LENG8: variants seen among roughly 807,000 people sequenced by gnomAD.
LENG8 encodes the protein leukocyte receptor cluster member 8, also known as leukocyte receptor cluster (LRC) member 8.
A neutral mutation model predicts 102.1 loss-of-function variants in LENG8; 28 were observed. The observed-to-expected ratio is 0.27, with a 90% CI of 0.20 to 0.38. The LOEUF (loss-of-function observed/expected upper bound fraction) is 0.38. Among genes scored for constraint, LENG8 ranks in the 10% least tolerant of loss-of-function variants. The pLI, the probability that LENG8 is intolerant of heterozygous loss-of-function variation, is 1.00. For missense variants in LENG8, 1,022 were observed against 1,113.9 expected, an observed-to-expected ratio of 0.92 and a Z score of 1.17; for synonymous variants, 531 against 456.7, an observed-to-expected ratio of 1.16 and a Z score of -2.07.
chr19:54,456,054 G>C lies in LENG8; in HGVS notation c.1113G>C (p.Ser371=), dbSNP rs748998773. Residue 371 remains serine, a synonymous_variant, in exon 9 of 16, where the codon TCG becomes TCC. Coordinates refer to ENST00000326764, the MANE Select transcript of LENG8 (RefSeq NM_052925.4). ...SSLHPPRGAG[S]ATRGGGAPSQ... The stretch of plus-strand genomic sequence containing the variant: ...TTCACCCTCCTAGAGGGGCAGGCTC[G>C]GCGACAAGGGGCGGGGGTGCCCCGT... The C allele has an allele frequency of 5.6e-6, 9 of 1,611,144 alleles. No individual in the cohort carries two copies. Among genetic ancestry groups the C allele is most frequent in the Non-Finnish European group, 5.9e-6 (7 of 1,178,422 alleles).
rs1322945634 is a variant in LENG8, at chr19:54,461,171, G to A, written c.*243G>A. 4 of 692,584 alleles carry A rather than the reference G, an allele frequency of 5.8e-6. No homozygotes were observed. The highest frequency in any genetic ancestry group is 4.5e-5 in the South Asian group (3 of 66,576). 42.9% of individuals were successfully genotyped at this position (692,584 alleles called of 1,614,324 possible). A position where few individuals can be genotyped will look rare whatever the true frequency, so the allele number is the denominator to read the frequency against. ...GGGGATGGGCAGCGGAGGGTTGGGGGCATGGTCTGCAGGCTCATCTGTGTC... is the reference window on the plus strand; with the variant it reads ...GGGGATGGGCAGCGGAGGGTTGGGGACATGGTCTGCAGGCTCATCTGTGTC... On this transcript the variant is annotated 3_prime_UTR_variant, in exon 16 of 16. Transcript: ENST00000326764.
intron 15 of LENG8, chr19:54,460,348 G>GC (rs1022670917): frequency 1.3e-5 from 16 of 1,206,458 alleles, no homozygotes; most frequent in Non-Finnish European, 1.7e-5. Context: ...GCACCCCTGC[G>GC]CCTGGCTTCC....
chr19:54,452,538 T>C (rs2084010698), intron 3 of LENG8, 113 bp from the exon 4 acceptor site: 5 of 879,434 alleles, frequency 5.7e-6, no homozygotes, highest in South Asian at 4.1e-5. Context: ...TGCAGATACA[T>C]GGACCCAGTT....
Position 54,456,352 on chromosome 19 carries a change from C to T in LENG8, c.1332C>T (p.Ser444=), listed in dbSNP as rs756122921. 4 of 1,613,758 alleles carry T rather than the reference C, an allele frequency of 2.5e-6. No homozygotes were observed. The highest frequency in any genetic ancestry group is 2.5e-6 in the Non-Finnish European group (3 of 1,180,006). ...RSDSHSDSDS[S]YSGNECHPVG... The stretch of plus-strand genomic sequence containing the variant: ...ACTCCCACTCAGACTCCGACAGCTC[C>T]TACTCAGGGAATGAGTGTCACCCTG... Residue 444 remains serine, a synonymous_variant, in exon 10 of 16, where the codon TCC becomes TCT. Transcript: ENST00000326764.
At chr19:54,451,952 A>G in intron 2 of LENG8, 141 bp from the exon 3 acceptor site, 2 of 706,392 alleles carry the variant, frequency 2.8e-6, no homozygotes, top group Non-Finnish European at 4.7e-6. Flanking sequence ...CTTTATCAGC[A>G]TAGTACAGAT....
At chr19:54,449,693 C>G (rs1232122320) in intron 1 of LENG8, 1 of 152,334 alleles carries the variant, frequency 6.6e-6, no homozygotes, top group Non-Finnish European at 1.5e-5. Context: ...TCCGAGCGGC[C>G]TCCTCCACCC....
At chr19:54,457,640 C>CT (rs915800678) in intron 11 of LENG8, 107 bp from the exon 12 acceptor site, 46 of 833,628 alleles carry the variant, frequency 5.5e-5, no homozygotes, top group Non-Finnish European at 7.0e-5. Flanking sequence ...TGCGCCTGGC[C>CT]TTTTTTTTCT....
At chr19:54,450,466 C>T (rs551110692) in intron 1 of LENG8, among the ~76,000 whole-genome samples, 40 of 152,268 alleles carry the variant, frequency 2.6e-4, no homozygotes, top group Admixed American at 4.6e-4. Flanking sequence ...CAATATTCTT[C>T]CAGCCCCCTC....
Position 54,454,582 on chromosome 19 carries a change from C to G in LENG8, c.579C>G (p.His193Gln), listed in dbSNP as rs1446116880. ...CTGGGACAGCTCCAGCCACACAGCACAGCCAGGCGGGGCCCGCCACGGGCC... is the reference window on the plus strand; with the variant it reads ...CTGGGACAGCTCCAGCCACACAGCAGAGCCAGGCGGGGCCCGCCACGGGCC... Reference protein sequence around the residue: ...PQPGTAPATQHSQAGPATGQA... With the variant: ...PQPGTAPATQQSQAGPATGQA... Residue 193 changes from histidine to glutamine, a missense_variant, in exon 6 of 16, where the codon CAC becomes CAG. This residue lies in a region of LENG8 where 343 missense variants were observed against 320.2 expected (regional missense o/e 1.07). Coordinates refer to ENST00000326764, the MANE Select transcript of LENG8 (RefSeq NM_052925.4). 1 of 1,606,564 alleles carries G rather than the reference C, an allele frequency of 6.2e-7. No individual in the cohort carries two copies. The highest frequency in any genetic ancestry group is 2.3e-5 in the East Asian group (1 of 44,256).
At chr19:54,454,301 C>T in intron 5 of LENG8, 129 bp from the exon 6 acceptor site, 2 of 877,852 alleles carry the variant, frequency 2.3e-6, no homozygotes, top group Non-Finnish European at 3.5e-6. Flanking sequence ...AATGAACTCA[C>T]ATTTGGGAAG....
chr19:54,449,325 A>G lies in LENG8; in HGVS notation c.-56+15A>G, dbSNP rs7248475. The G allele has an allele frequency of 0.42, 63,857 of 152,220 alleles. 13,800 individuals carry two copies. Among genetic ancestry groups the G allele is most frequent in the East Asian group, 0.63 (3,265 of 5,150 alleles). The allele number at this position is 152,220 out of a possible 1,614,324, so 9.4% of individuals were successfully genotyped here. ...GATCCTGGTTGGTAAGGGGAGCGGC[A>G]GGCGAGCAGGCGGGCGGGGATAGCA... On this transcript the variant is annotated intron_variant, in intron 1 of 15. Transcript: ENST00000326764.
intron 15 of LENG8, chr19:54,459,559 C>A (rs2084427163): frequency 1.0e-6 from 1 of 987,748 alleles, no homozygotes; most frequent in Admixed American, 5.9e-5. Context: ...AGCATGGGGG[C>A]CTTGAGAGCC....
intron 15 of LENG8, chr19:54,460,299 A>C (rs748911906): frequency 9.6e-6 from 12 of 1,251,520 alleles, no homozygotes; most frequent in Non-Finnish European, 1.2e-5. Flanking sequence ...CAGCAGCCGG[A>C]AGTGACTGCT....
intron 1 of LENG8, among the ~76,000 whole-genome samples, chr19:54,450,770 G>A (rs1342436252): frequency 6.6e-6 from 1 of 152,038 alleles, no homozygotes; most frequent in African/African-American, 2.4e-5. Context: ...ACAGGCATAT[G>A]CCACCATGCC....
chr19:54,452,299 G>A, intron 3 of LENG8, 32 bp downstream of exon 3: 4 of 1,569,830 alleles, frequency 2.5e-6, no homozygotes, highest in South Asian at 1.1e-5. Context: ...GGGGTACCCT[G>A]AGCCAGAGGT....
At chr19:54,451,252 C>A in intron 1 of LENG8, 38 bp from the exon 2 acceptor site, 1 of 1,313,090 alleles carries the variant, frequency 7.6e-7, no homozygotes, top group Non-Finnish European at 1.1e-6. Context: ...GTTTTTAGCT[C>A]CCCCTTAAGT....
intron 15 of LENG8, chr19:54,458,793 GTCTCTTCCTCC>G: frequency 2.6e-6 from 4 of 1,551,102 alleles, no homozygotes; most frequent in Non-Finnish European, 3.5e-6. Context: ...CCATCTGTGT[GTCTCTTCCTCC>G]TGTTCTCTCC....
rs988516292 is a variant in LENG8, at chr19:54,461,932, TTTCC to T, written c.*1019_*1022del. The T allele has an allele frequency of 4.7e-4, 451 of 965,282 alleles. No homozygotes were observed. Among genetic ancestry groups the T allele is most frequent in the African/African-American group, 9.5e-4 (59 of 62,168 alleles). The allele number at this position is 965,282 out of a possible 1,614,324, so 59.8% of individuals were successfully genotyped here. A position where few individuals can be genotyped will look rare whatever the true frequency, so the allele number is the denominator to read the frequency against. The stretch of plus-strand genomic sequence containing the variant: ...TCCCCTTCCCCTCCTCTCCCCTCCT[TTTCC>T]TTCCTTCCTTCCTTTCCTTGGAGCA... On this transcript the variant is annotated 3_prime_UTR_variant, in exon 16 of 16. Transcript: ENST00000326764.
chr19:54,460,569 G>T, intron 15 of LENG8, 197 bp from the exon 16 acceptor site: 1 of 1,414,038 alleles, frequency 7.1e-7, no homozygotes, highest in Non-Finnish European at 9.2e-7. Context: ...GGGGGCACAG[G>T]GGACTGGGGT....
Sources: allele counts gnomAD v4.1 joint callset (sites outside exome capture counted in the v4.1 genomes callset), GRCh38; gene constraint gnomAD v4.1.1; regional missense constraint gnomAD v4.1.1; transcripts MANE v1.5; gene names NCBI Gene and HGNC (gene_info 2026-07-23, HGNC 2026-07-21).